The following ZNF385D variants were observed in gnomAD, a reference collection of about 807,000 sequenced individuals.
ZNF385D encodes the protein zinc finger protein 659.
ZNF385D carries 15 observed loss-of-function variants against 35.8 expected under a neutral mutation model. The ratio of observed to expected loss-of-function variants is 0.42; its 90% CI spans 0.28 to 0.64. The LOEUF (loss-of-function observed/expected upper bound fraction) is 0.64. Ranked by LOEUF, ZNF385D falls within the 30% of genes least tolerant of loss-of-function variation. ZNF385D has a pLI of 0.23. For missense variants in ZNF385D, 474 were observed against 494.6 expected, an observed-to-expected ratio of 0.96 and a Z score of 0.39; for synonymous variants, 212 against 186.8, an observed-to-expected ratio of 1.13 and a Z score of -1.10.
At chr3:22,323,279 T>C (rs923571410) in intron 2 of ZNF385D, among the ~76,000 whole-genome samples, 15 of 152,264 alleles carry the variant, frequency 9.9e-5, no homozygotes, top group African/African-American at 2.9e-4. Flanking sequence ...GCCCACAGAC[T>C]CCCTGTTGCT....
At chr3:21,934,636 A>G (rs1310156984) in intron 3 of ZNF385D, among the ~76,000 whole-genome samples, 2 of 151,928 alleles carry the variant, frequency 1.3e-5, no homozygotes, top group East Asian at 3.8e-4. Flanking sequence ...ATTACAATTA[A>G]AAAATTGACT....
chr3:21,874,870 G>T (rs144822529), intron 3 of ZNF385D, among the ~76,000 whole-genome samples: 298 of 152,122 alleles, frequency 2.0e-3, no homozygotes, highest in Middle Eastern at 0.014. Flanking sequence ...AACATGAGAT[G>T]CATTTCCACT....
At chr3:21,998,219 A>G (rs927051538) in intron 3 of ZNF385D, among the ~76,000 whole-genome samples, 1 of 152,108 alleles carries the variant, frequency 6.6e-6, no homozygotes. Flanking sequence ...GTAGGTATAA[A>G]TGTAGCCAGG....
At chr3:22,179,070 TC>T (rs1695037262) in intron 2 of ZNF385D, among the ~76,000 whole-genome samples, 1 of 152,170 alleles carries the variant, frequency 6.6e-6, no homozygotes, top group Admixed American at 6.5e-5. Flanking sequence ...CGATGTGGGC[TC>T]TTTTTTGGTT....
intron 3 of ZNF385D, among the ~76,000 whole-genome samples, chr3:21,989,484 A>G (rs370214483): frequency 6.6e-6 from 1 of 152,232 alleles, no homozygotes; most frequent in Admixed American, 6.5e-5. Flanking sequence ...CATGTAAAAG[A>G]CAATTATTAG....
chr3:22,094,124 G>T (rs191929218), intron 3 of ZNF385D, among the ~76,000 whole-genome samples: 43 of 151,850 alleles, frequency 2.8e-4, no homozygotes, highest in African/African-American at 9.7e-4. Context: ...TTAAAAATAC[G>T]TGTCATTGCT....
chr3:22,048,595 T>C (rs1395036973), intron 3 of ZNF385D, among the ~76,000 whole-genome samples: 1 of 152,222 alleles, frequency 6.6e-6, no homozygotes, highest in African/African-American at 2.4e-5. Context: ...TTGTGTTCTA[T>C]TGGCCTATGT....
At chr3:22,143,218 G>A (rs1704636065) in intron 3 of ZNF385D, among the ~76,000 whole-genome samples, 1 of 151,700 alleles carries the variant, frequency 6.6e-6, no homozygotes, top group South Asian at 2.1e-4. Context: ...GAGTAGCAGC[G>A]ACTACAGGCG....
chr3:21,755,269 C>G (rs2070290086), upstream of ZNF385D, among the ~76,000 whole-genome samples: 1 of 152,170 alleles, frequency 6.6e-6, no homozygotes, highest in African/African-American at 2.4e-5. Flanking sequence ...AATTCATTCT[C>G]CATATTAGAT....
At chr3:21,817,399 C>G (rs916310526) in intron 3 of ZNF385D, among the ~76,000 whole-genome samples, 3 of 152,036 alleles carry the variant, frequency 2.0e-5, no homozygotes, top group South Asian at 2.1e-4. Context: ...AACAGGCAAC[C>G]TACAGAATGG....
chr3:21,589,982 A>G (rs959577942), intron 2 of ZNF385D, among the ~76,000 whole-genome samples: 13 of 152,160 alleles, frequency 8.5e-5, no homozygotes, highest in African/African-American at 3.1e-4. Flanking sequence ...TTTCTAGGTA[A>G]TAGACTGTAA....
intron 2 of ZNF385D, among the ~76,000 whole-genome samples, chr3:22,269,552 G>T (rs1430626386): frequency 6.6e-6 from 1 of 151,938 alleles, no homozygotes; most frequent in Non-Finnish European, 1.5e-5. Flanking sequence ...GAAACAATTT[G>T]AGTAATGGAG....
intron 3 of ZNF385D, among the ~76,000 whole-genome samples, chr3:21,985,008 A>T (rs139969454): frequency 0.023 from 3,453 of 151,256 alleles, 73 homozygotes; most frequent in Middle Eastern, 0.092. Flanking sequence ...ATTTTTGTAC[A>T]TTGATTTTGT....
intron 3 of ZNF385D, among the ~76,000 whole-genome samples, chr3:21,785,532 G>A (rs1485709556): frequency 2.0e-5 from 3 of 152,152 alleles, no homozygotes; most frequent in Admixed American, 6.5e-5. Context: ...CTAAAGCTTT[G>A]TACCCTTTAA....
chr3:21,545,297 T>C (rs1015874128), intron 3 of ZNF385D, among the ~76,000 whole-genome samples: 2 of 152,106 alleles, frequency 1.3e-5, no homozygotes, highest in South Asian at 2.1e-4. Context: ...AACATTGGAA[T>C]AAAGGAAAAT....
chr3:22,232,460 T>C (rs1048685085), intron 2 of ZNF385D, among the ~76,000 whole-genome samples: 1 of 152,144 alleles, frequency 6.6e-6, no homozygotes, highest in Non-Finnish European at 1.5e-5. Flanking sequence ...TAGGTATACA[T>C]ACACGTGCCA....
At chr3:22,309,329 C>G (rs991282676) in intron 2 of ZNF385D, among the ~76,000 whole-genome samples, 2 of 151,866 alleles carry the variant, frequency 1.3e-5, no homozygotes, top group African/African-American at 4.8e-5. Flanking sequence ...TTTAATTATT[C>G]ATGTGGAAAT....
chr3:22,326,053 G>T (rs578112861), intron 2 of ZNF385D, among the ~76,000 whole-genome samples: 1 of 151,992 alleles, frequency 6.6e-6, no homozygotes, highest in East Asian at 1.9e-4. Context: ...TCCAATTCCC[G>T]AATGTTTTCC....
At chr3:21,614,601 G>C (rs910435180) in intron 2 of ZNF385D, among the ~76,000 whole-genome samples, 9 of 151,950 alleles carry the variant, frequency 5.9e-5, no homozygotes, top group African/African-American at 2.2e-4. Flanking sequence ...TTGTTTGTTT[G>C]TTTTTTTGAG....
Sources: gnomAD v4.1 joint callset for allele counts (sites outside exome capture counted in the v4.1 genomes callset) on GRCh38, gnomAD v4.1.1 for gene constraint, MANE v1.5 for transcripts, NCBI Gene and HGNC (gene_info 2026-07-23, HGNC 2026-07-21) for gene names.